MGMT: variants seen among roughly 807,000 people sequenced by gnomAD.
The protein encoded by MGMT is methylated-DNA--protein-cysteine methyltransferase.
Under a neutral mutation model 15.9 loss-of-function variants are expected in MGMT, and 14 were observed. The ratio of observed to expected loss-of-function variants is 0.88; its 90% CI spans 0.58 to 1.37. The LOEUF is 1.37. MGMT is among the 40% of genes most tolerant of loss of function. MGMT has a pLI of 0.00. For missense variants in MGMT, 282 were observed against 268.1 expected, an observed-to-expected ratio of 1.05 and a Z score of -0.36; for synonymous variants, 130 against 118.2, an observed-to-expected ratio of 1.10 and a Z score of -0.65.
At chr10:129,756,711 G>A (rs953484630) in intron 3 of MGMT, among the ~76,000 whole-genome samples, 5 of 152,046 alleles carry the variant, frequency 3.3e-5, no homozygotes, top group Non-Finnish European at 5.9e-5. Flanking sequence ...CTCGTGATCC[G>A]CCCGCCTCGG....
chr10:129,557,313 C>G (rs1846225106), intron 2 of MGMT, among the ~76,000 whole-genome samples: 2 of 152,126 alleles, frequency 1.3e-5, no homozygotes, highest in Admixed American at 1.3e-4. Context: ...TGGGCTTTTT[C>G]TTTGACATCT....
At chr10:129,621,946 CTATT>C (rs879917484) in intron 2 of MGMT, among the ~76,000 whole-genome samples, 7 of 152,108 alleles carry the variant, frequency 4.6e-5, no homozygotes, top group East Asian at 1.9e-4. Context: ...ATAGAGATGA[CTATT>C]TATGAGTCAT....
At chr10:129,752,630 G>A (rs1742327696) in intron 3 of MGMT, among the ~76,000 whole-genome samples, 1 of 151,404 alleles carries the variant, frequency 6.6e-6, no homozygotes, top group African/African-American at 2.4e-5. Context: ...AGTTTTTCTA[G>A]TGACTGTTTT....
intron 2 of MGMT, among the ~76,000 whole-genome samples, chr10:129,642,849 C>G (rs573915436): frequency 6.6e-6 from 1 of 151,922 alleles, no homozygotes; most frequent in African/African-American, 2.4e-5. Flanking sequence ...GGAAGACCAC[C>G]TGAGCCCCGA....
chr10:129,623,790 G>A (rs1847116119), intron 2 of MGMT, among the ~76,000 whole-genome samples: 2 of 152,178 alleles, frequency 1.3e-5, no homozygotes, highest in Non-Finnish European at 1.5e-5. Context: ...AAAGGAGTTA[G>A]GATTACAGGC....
At chr10:129,678,140 C>T (rs1847806715) in intron 2 of MGMT, among the ~76,000 whole-genome samples, 1 of 152,112 alleles carries the variant, frequency 6.6e-6, no homozygotes, top group Non-Finnish European at 1.5e-5. Context: ...GCCTCGGTGG[C>T]TCCATGCAGG....
intron 1 of MGMT, among the ~76,000 whole-genome samples, chr10:129,513,993 A>G (rs778554873): frequency 3.3e-5 from 5 of 152,216 alleles, no homozygotes; most frequent in African/African-American, 4.8e-5. Flanking sequence ...TTAATTATCA[A>G]AGCTTTTTCA....
chr10:129,768,614 G>T lies in MGMT; in HGVS notation c.*1617G>T, dbSNP rs781427421. Among the ~76,000 whole-genome samples the T allele has an allele frequency of 1.3e-5, 2 of 152,230 alleles. No homozygotes were observed. Among genetic ancestry groups the T allele is most frequent in the African/African-American group, 2.4e-5 (1 of 41,462 alleles). On this transcript the variant is annotated 3_prime_UTR_variant, in exon 5 of 5. Coordinates refer to ENST00000651593, the MANE Select transcript of MGMT (RefSeq NM_002412.5). ...CAGTGATGGCCGGTCACCAGGCACG[G>T]CTTTCCCCTCTGCATGAACAGAACA... is the stretch of plus-strand genomic sequence containing the variant.
rs572265887 is a variant in MGMT, at chr10:129,563,329, C to G, written c.125+26952C>G. ...CTCACTGTGTGTGGGTAGGATGACC[C>G]TGCCGGTCTGTGCCCTGGCTTAGTG... On this transcript the variant is annotated intron_variant, in intron 2 of 4. Coordinates refer to ENST00000651593, the MANE Select transcript of MGMT (RefSeq NM_002412.5). Among the ~76,000 whole-genome samples, 12 of 152,200 alleles carry G rather than the reference C, an allele frequency of 7.9e-5. No homozygotes were observed. In the South Asian group the frequency reaches 2.5e-3, roughly 32 times the overall value.
At chr10:129,601,455 C>G (rs1195550226) in intron 2 of MGMT, among the ~76,000 whole-genome samples, 5 of 152,160 alleles carry the variant, frequency 3.3e-5, no homozygotes, top group Non-Finnish European at 7.3e-5. Context: ...CCTTGGGTGG[C>G]TCACTGCTCT....
chr10:129,577,378 G>A (rs886870197), intron 2 of MGMT, among the ~76,000 whole-genome samples: 4 of 152,132 alleles, frequency 2.6e-5, no homozygotes, highest in African/African-American at 9.7e-5. Context: ...CAGAAATAAT[G>A]CCACATATCT....
chr10:129,620,496 C>T (rs1163068812), intron 2 of MGMT, among the ~76,000 whole-genome samples: 2 of 152,198 alleles, frequency 1.3e-5, no homozygotes, highest in African/African-American at 4.8e-5. Context: ...TTGCCTTGTG[C>T]CTTCTGTACA....
At chr10:129,625,231 C>G (rs928296916) in intron 2 of MGMT, among the ~76,000 whole-genome samples, 1 of 152,164 alleles carries the variant, frequency 6.6e-6, no homozygotes, top group Non-Finnish European at 1.5e-5. Flanking sequence ...AAAATCTTCC[C>G]TCAAAGAAAA....
chr10:129,657,553 A>G (rs1847538545), intron 2 of MGMT, among the ~76,000 whole-genome samples: 2 of 151,698 alleles, frequency 1.3e-5, no homozygotes, highest in Admixed American at 1.3e-4. Flanking sequence ...GTCTTGGAGA[A>G]TTCTAAAGCA....
At chr10:129,670,211 A>G (rs941037083) in intron 2 of MGMT, among the ~76,000 whole-genome samples, 1 of 152,124 alleles carries the variant, frequency 6.6e-6, no homozygotes, top group African/African-American at 2.4e-5. Flanking sequence ...CTAGTAGGTA[A>G]TATAGTAACC....
intron 2 of MGMT, among the ~76,000 whole-genome samples, chr10:129,623,157 T>C (rs564461721): frequency 2.6e-5 from 4 of 152,118 alleles, no homozygotes; most frequent in East Asian, 1.9e-4. Context: ...CTTGCAGATA[T>C]AAGCAAAGTT....
chr10:129,557,819 G>A (rs1846231054), intron 2 of MGMT, among the ~76,000 whole-genome samples: 1 of 152,160 alleles, frequency 6.6e-6, no homozygotes, highest in Non-Finnish European at 1.5e-5. Flanking sequence ...TAGGTTTGTA[G>A]TCAACTTTTT....
At chr10:129,686,891 T>C (rs1338519526) in intron 2 of MGMT, among the ~76,000 whole-genome samples, 1 of 152,192 alleles carries the variant, frequency 6.6e-6, no homozygotes, top group Non-Finnish European at 1.5e-5. Context: ...TCAGCTGATC[T>C]GGGCAGGGCG....
At chr10:129,549,644 G>A (rs879391488) in intron 2 of MGMT, among the ~76,000 whole-genome samples, 8 of 152,060 alleles carry the variant, frequency 5.3e-5, no homozygotes, top group African/African-American at 1.2e-4. Context: ...TGCATGAAGC[G>A]TCATCTGTGT....
Sources: gnomAD v4.1 joint callset for allele counts (sites outside exome capture counted in the v4.1 genomes callset) on GRCh38, gnomAD v4.1.1 for gene constraint, MANE v1.5 for transcripts, NCBI Gene and HGNC (gene_info 2026-07-23, HGNC 2026-07-21) for gene names.